The following ATRNL1 variants were observed in gnomAD, a reference collection of about 807,000 sequenced individuals.
ATRNL1 encodes attractin-like protein 1.
Under a neutral mutation model 182.7 loss-of-function variants are expected in ATRNL1, and 95 were observed. The observed-to-expected ratio is 0.52, with a 90% CI of 0.44 to 0.62. ATRNL1 has a LOEUF of 0.62. Ranked by LOEUF, ATRNL1 falls within the 20% of genes least tolerant of loss-of-function variation. ATRNL1 has a pLI of 0.00. For missense variants in ATRNL1, 1,471 were observed against 1,679.5 expected (o/e 0.88, Z 2.17); for synonymous variants, 576 against 568.3 (o/e 1.01, Z -0.19).
intron 28 of ATRNL1, among the ~76,000 whole-genome samples, chr10:115,933,403 A>C (rs1953463834): frequency 7.7e-6 from 1 of 129,390 alleles, no homozygotes; most frequent in Non-Finnish European, 1.5e-5. Context: ...AACTAACAAG[A>C]CCAAATGCAC....
intron 25 of ATRNL1, among the ~76,000 whole-genome samples, chr10:115,540,318 C>T (rs1231107871): frequency 6.6e-6 from 1 of 152,004 alleles, no homozygotes; most frequent in Admixed American, 6.6e-5. Flanking sequence ...TGCACTGACT[C>T]AAGAAGCACT....
chr10:115,256,845 C>T (rs1236306346), intron 10 of ATRNL1, among the ~76,000 whole-genome samples: 4 of 152,134 alleles, frequency 2.6e-5, no homozygotes, highest in Admixed American at 2.0e-4. Context: ...TGTCTTTGTT[C>T]TTATTGGTTT....
chr10:115,327,217 T>A (rs1854942518), intron 18 of ATRNL1, among the ~76,000 whole-genome samples: 1 of 151,068 alleles, frequency 6.6e-6, no homozygotes, highest in Admixed American at 6.6e-5. Flanking sequence ...GAATCTACAA[T>A]GAACTCAAAC....
chr10:115,414,502 T>C (rs1257997629), intron 20 of ATRNL1, among the ~76,000 whole-genome samples: 5 of 151,990 alleles, frequency 3.3e-5, no homozygotes, highest in Non-Finnish European at 7.4e-5. Context: ...ATTTTTTCCT[T>C]TCCCATTCTT....
intron 17 of ATRNL1, among the ~76,000 whole-genome samples, chr10:115,310,727 A>G (rs538536013): frequency 1.8e-4 from 28 of 152,210 alleles, no homozygotes; most frequent in African/African-American, 6.7e-4. Context: ...CTTCTTTGTT[A>G]ATCTAGCTAA....
chr10:115,853,354 T>C (rs1212339306), intron 28 of ATRNL1, among the ~76,000 whole-genome samples: 1 of 152,226 alleles, frequency 6.6e-6, no homozygotes, highest in Non-Finnish European at 1.5e-5. Flanking sequence ...AGATGGTTTA[T>C]AGTGCCCCTA....
At chr10:115,200,284 A>T (rs1333084984) in intron 8 of ATRNL1, among the ~76,000 whole-genome samples, 5 of 148,750 alleles carry the variant, frequency 3.4e-5, no homozygotes, top group Admixed American at 2.7e-4. Context: ...TGTGCAGGTT[A>T]GTTACATATG....
chr10:115,539,427 A>G (rs1852225583), intron 25 of ATRNL1, among the ~76,000 whole-genome samples: 1 of 152,210 alleles, frequency 6.6e-6, no homozygotes, highest in Non-Finnish European at 1.5e-5. Context: ...TTGGTATATG[A>G]TATCAGCAGG....
chr10:115,426,213 A>G (rs782364474), intron 20 of ATRNL1, 37 bp from the exon 21 acceptor site: 36 of 1,571,636 alleles, frequency 2.3e-5, no homozygotes, highest in Non-Finnish European at 3.1e-5. Flanking sequence ...TTTGAATTGC[A>G]TTGTTTAATA....
chr10:115,170,170 A>G (rs1446712014), intron 7 of ATRNL1, among the ~76,000 whole-genome samples: 4 of 152,304 alleles, frequency 2.6e-5, no homozygotes, highest in South Asian at 2.1e-4. Flanking sequence ...AATGTTGAAT[A>G]TAAGTGGCAA....
intron 10 of ATRNL1, among the ~76,000 whole-genome samples, chr10:115,242,429 T>G (rs913352060): frequency 5.5e-4 from 83 of 152,104 alleles, no homozygotes; most frequent in African/African-American, 1.9e-3. Flanking sequence ...GTGAAAACAT[T>G]GTTTTTCTAT....
At chr10:115,262,461 A>G (rs1222379337) in intron 10 of ATRNL1, among the ~76,000 whole-genome samples, 1 of 152,032 alleles carries the variant, frequency 6.6e-6, no homozygotes, top group Non-Finnish European at 1.5e-5. Flanking sequence ...GTAAAAGCCA[A>G]CAGAAAAACC....
chr10:115,738,126 A>ATTTTTTTT lies in ATRNL1; in HGVS notation c.3903+10794_3903+10801dup, dbSNP rs10546896. On this transcript the variant is annotated intron_variant, in intron 27 of 28. Coordinates refer to ENST00000355044, the MANE Select transcript of ATRNL1 (RefSeq NM_207303.4). ...ATAAAAAATGATTTAGAAGATAATG[A>ATTTTTTTT]TTTTTTTTTTTTTTTTTTTTTTTTT... 2.3e-3 allele frequency among the ~76,000 whole-genome samples: 110 copies of ATTTTTTTT among 47,098 alleles called. 23 individuals carry two copies. The highest frequency in any genetic ancestry group is 6.6e-3 in the African/African-American group (101 of 15,214). The allele number at this position is 47,098 out of a possible 152,430, so 30.9% of individuals were successfully genotyped here.
intron 27 of ATRNL1, among the ~76,000 whole-genome samples, chr10:115,814,036 G>A (rs1427956006): frequency 6.6e-6 from 1 of 151,992 alleles, no homozygotes; most frequent in Non-Finnish European, 1.5e-5. Flanking sequence ...ATCTACCATT[G>A]TGTTTTGTTT....
intron 19 of ATRNL1, among the ~76,000 whole-genome samples, chr10:115,391,662 T>A (rs889994803): frequency 1.3e-5 from 2 of 151,938 alleles, no homozygotes; most frequent in Admixed American, 6.6e-5. Flanking sequence ...TGGTATAATC[T>A]CTTGTCTGGA....
intron 14 of ATRNL1, among the ~76,000 whole-genome samples, chr10:115,285,058 G>A (rs1258957767): frequency 1.3e-5 from 2 of 152,016 alleles, no homozygotes; most frequent in Non-Finnish European, 2.9e-5. Context: ...AATTTGAATT[G>A]TCAGCTACTT....
intron 5 of ATRNL1, among the ~76,000 whole-genome samples, chr10:115,144,398 T>C (rs11197081): frequency 6.6e-6 from 1 of 152,112 alleles, no homozygotes; most frequent in Admixed American, 6.5e-5. Flanking sequence ...GACCTCGTGA[T>C]CCGCCTTCCT....
chr10:115,817,019 C>T (rs10787603), intron 27 of ATRNL1, among the ~76,000 whole-genome samples: 29,135 of 151,988 alleles, frequency 0.19, 3,386 homozygotes, highest in South Asian at 0.29. Context: ...AATTGATTCC[C>T]TAAACCCAAC....
At chr10:115,515,876 A>G (rs1391654681) in intron 24 of ATRNL1, among the ~76,000 whole-genome samples, 2 of 151,850 alleles carry the variant, frequency 1.3e-5, no homozygotes, top group Non-Finnish European at 2.9e-5. Flanking sequence ...TCTTCTTGCA[A>G]CATTTCTGTT....
Sources: allele counts gnomAD v4.1 joint callset (sites outside exome capture counted in the v4.1 genomes callset), GRCh38; gene constraint gnomAD v4.1.1; transcripts MANE v1.5; gene names NCBI Gene and HGNC (gene_info 2026-07-23, HGNC 2026-07-21).